CDKAL1: variants seen among roughly 807,000 people sequenced by gnomAD.
CDKAL1 encodes CDKAL1 threonylcarbamoyladenosine tRNA methylthiotransferase.
CDKAL1 carries 32 observed loss-of-function variants against 68.2 expected under a neutral mutation model. That is an observed-to-expected ratio of 0.47 (90% confidence interval 0.35 to 0.63). The LOEUF is 0.63. Ranked by LOEUF, CDKAL1 falls within the 30% of genes least tolerant of loss-of-function variation. The probability of loss-of-function intolerance (pLI) is 0.00; values close to 1 mark genes in which losing one functional copy is unlikely to be tolerated. For missense variants in CDKAL1, 606 were observed against 696.7 expected (o/e 0.87, Z 1.47); for synonymous variants, 234 against 244.3 (o/e 0.96, Z 0.39).
chr6:20,935,445 T>G (rs75340048), intron 9 of CDKAL1, among the ~76,000 whole-genome samples: 2 of 151,722 alleles, frequency 1.3e-5, no homozygotes, highest in African/African-American at 4.8e-5. Context: ...TTTTTTTTTT[T>G]GGAGACATAC....
Position 21,202,396 on chromosome 6 carries a change from T to TAA in CDKAL1, c.1548+1134_1548+1135dup, listed in dbSNP as rs113704566. 3.1e-4 allele frequency among the ~76,000 whole-genome samples: 46 copies of TAA among 146,938 alleles called. 1 individual carries two copies. The highest frequency in any genetic ancestry group is 7.1e-3 in the Middle Eastern group (2 of 280). ...ATAACCATTCATTTTTGCTGTTTAT[T>TAA]AAAAAAAAAAAAATTGTACTTGGGG... On this transcript the variant is annotated intron_variant, in intron 15 of 15. Coordinates refer to ENST00000274695, the MANE Select transcript of CDKAL1 (RefSeq NM_017774.3).
intron 15 of CDKAL1, among the ~76,000 whole-genome samples, chr6:21,206,974 G>A (rs1050742091): frequency 1.3e-4 from 20 of 150,190 alleles, no homozygotes; most frequent in Admixed American, 1.1e-3. Context: ...TCACCCAGGC[G>A]CGATCTCGGC....
chr6:20,799,467 AC>A (rs1290683873), intron 8 of CDKAL1, among the ~76,000 whole-genome samples: 10 of 145,750 alleles, frequency 6.9e-5, no homozygotes, highest in Admixed American at 2.1e-4. Flanking sequence ...TAAGACAGTT[AC>A]CACACCTACT....
intron 13 of CDKAL1, among the ~76,000 whole-genome samples, chr6:21,140,255 A>G (rs2446484): frequency 0.3 from 45,222 of 152,176 alleles, 7,739 homozygotes; most frequent in Admixed American, 0.39. Context: ...GAACACCCTT[A>G]AAGGAACCTA....
intron 13 of CDKAL1, among the ~76,000 whole-genome samples, chr6:21,164,092 G>C (rs1403052668): frequency 6.6e-6 from 1 of 151,890 alleles, no homozygotes; most frequent in East Asian, 1.9e-4. Context: ...CTAAATGCTG[G>C]TCCAGGATGA....
chr6:21,229,031 G>A (rs1340335703), intron 15 of CDKAL1, among the ~76,000 whole-genome samples: 7 of 152,184 alleles, frequency 4.6e-5, no homozygotes. Context: ...AGGACTCAGA[G>A]TGCAGGGAGA....
chr6:20,597,088 G>T (rs1351942156), intron 4 of CDKAL1, among the ~76,000 whole-genome samples: 1 of 151,986 alleles, frequency 6.6e-6, no homozygotes, highest in Non-Finnish European at 1.5e-5. Context: ...TTCCTATTTG[G>T]CCATCTTGCC....
chr6:21,219,492 C>G (rs1339680139), intron 15 of CDKAL1, among the ~76,000 whole-genome samples: 1 of 152,208 alleles, frequency 6.6e-6, no homozygotes, highest in African/African-American at 2.4e-5. Context: ...ATTGTATAAA[C>G]CATGTAATTT....
intron 5 of CDKAL1, among the ~76,000 whole-genome samples, chr6:20,735,308 AAAG>A (rs1458804885): frequency 2.6e-5 from 4 of 152,240 alleles, no homozygotes; most frequent in African/African-American, 9.6e-5. Flanking sequence ...TTATTAAAAA[AAAG>A]AGGTTTAATT....
intron 4 of CDKAL1, among the ~76,000 whole-genome samples, chr6:20,549,906 C>T (rs931664959): frequency 4.6e-5 from 7 of 152,048 alleles, no homozygotes; most frequent in Non-Finnish European, 8.8e-5. Flanking sequence ...TGCGCCCAGC[C>T]TCCTCTTTAC....
intron 11 of CDKAL1, among the ~76,000 whole-genome samples, chr6:21,062,343 A>C (rs9465958): frequency 0.31 from 46,873 of 151,908 alleles, 7,541 homozygotes; most frequent in African/African-American, 0.39. Context: ...ACCTTTTGAT[A>C]AGAATTATTG....
intron 9 of CDKAL1, among the ~76,000 whole-genome samples, chr6:20,877,272 A>C (rs9368248): frequency 0.28 from 42,235 of 152,236 alleles, 7,294 homozygotes; most frequent in East Asian, 0.37. Context: ...TTAAATAAGC[A>C]TGGTGATTCT....
chr6:21,154,679 A>G (rs899289984), intron 13 of CDKAL1, among the ~76,000 whole-genome samples: 3 of 152,298 alleles, frequency 2.0e-5, no homozygotes, highest in Admixed American at 6.5e-5. Context: ...AATACTCTAC[A>G]ATGTGTAAAA....
At chr6:20,960,184 AT>A (rs1468243454) in intron 10 of CDKAL1, among the ~76,000 whole-genome samples, 1 of 152,044 alleles carries the variant, frequency 6.6e-6, no homozygotes, top group African/African-American at 2.4e-5. Flanking sequence ...GTGGCTATTT[AT>A]AGGTGTGATC....
chr6:20,577,623 A>T (rs1764968110), intron 4 of CDKAL1, among the ~76,000 whole-genome samples: 1 of 152,238 alleles, frequency 6.6e-6, no homozygotes, highest in Non-Finnish European at 1.5e-5. Flanking sequence ...ATGAATAGGT[A>T]CAATTCTTTT....
At chr6:20,629,488 C>G (rs1767580208) in intron 4 of CDKAL1, among the ~76,000 whole-genome samples, 1 of 152,164 alleles carries the variant, frequency 6.6e-6, no homozygotes, top group African/African-American at 2.4e-5. Flanking sequence ...TTCAAACTTT[C>G]ACCCCTCTTG....
intron 11 of CDKAL1, among the ~76,000 whole-genome samples, chr6:21,016,774 T>A (rs1186828130): frequency 6.6e-6 from 1 of 152,098 alleles, no homozygotes; most frequent in Non-Finnish European, 1.5e-5. Context: ...TGGCACCAGG[T>A]CCCCTCAGTG....
chr6:20,847,549 A>AT (rs958860617), intron 9 of CDKAL1, among the ~76,000 whole-genome samples: 1 of 152,190 alleles, frequency 6.6e-6, no homozygotes, highest in Non-Finnish European at 1.5e-5. Flanking sequence ...ACTGCATATA[A>AT]TTTTTTTAAA....
At chr6:21,225,754 T>C (rs909815487) in intron 15 of CDKAL1, among the ~76,000 whole-genome samples, 1 of 152,174 alleles carries the variant, frequency 6.6e-6, no homozygotes, top group Non-Finnish European at 1.5e-5. Context: ...CTTAATGGTA[T>C]ACATAAGGAA....
Sources: allele counts gnomAD v4.1 joint callset (sites outside exome capture counted in the v4.1 genomes callset), GRCh38; gene constraint gnomAD v4.1.1; transcripts MANE v1.5; gene names NCBI Gene and HGNC (gene_info 2026-07-23, HGNC 2026-07-21).